The following FRAS1 variants were observed in gnomAD, a reference collection of about 807,000 sequenced individuals.
FRAS1 encodes Fraser extracellular matrix complex subunit 1, also known as extracellular matrix organizing protein FRAS1.
FRAS1 carries 290 observed loss-of-function variants against 435.2 expected under a neutral mutation model. The observed-to-expected ratio is 0.67, with a 90% CI of 0.61 to 0.73. The LOEUF is 0.73. Among genes scored for constraint, FRAS1 ranks in the 30% least tolerant of loss-of-function variants. The pLI, the probability that FRAS1 is intolerant of heterozygous loss-of-function variation, is 0.00. For missense variants in FRAS1, 4,860 were observed against 5,001.5 expected (o/e 0.97, Z 0.85); for synonymous variants, 1,800 against 1,851.0 (o/e 0.97, Z 0.71).
chr4:78,533,527 G>A (rs1721788403), intron 70 of FRAS1, among the ~76,000 whole-genome samples: 1 of 152,220 alleles, frequency 6.6e-6, no homozygotes, highest in Non-Finnish European at 1.5e-5. Context: ...TAAGGGATAT[G>A]GGAAACCACT....
chr4:78,518,020 G>A (rs1721262813), intron 66 of FRAS1, among the ~76,000 whole-genome samples: 1 of 152,094 alleles, frequency 6.6e-6, no homozygotes, highest in Non-Finnish European at 1.5e-5. Flanking sequence ...GGGAGGCTGA[G>A]GCTGGAGGAT....
intron 18 of FRAS1, among the ~76,000 whole-genome samples, chr4:78,324,731 T>TTTTTTTC (rs1491139973): frequency 8.4e-6 from 1 of 119,354 alleles, no homozygotes; most frequent in African/African-American, 3.1e-5. Context: ...TTTTTTTTTT[T>TTTTTTTC]CTGCATGTCA....
intron 36 of FRAS1, among the ~76,000 whole-genome samples, 182 bp from the exon 37 acceptor site, chr4:78,430,110 T>C (rs933094282): frequency 1.3e-5 from 2 of 152,226 alleles, no homozygotes; most frequent in Non-Finnish European, 2.9e-5. Flanking sequence ...ACTTGCAGTG[T>C]AGGAATTGAC....
intron 29 of FRAS1, among the ~76,000 whole-genome samples, chr4:78,395,409 C>G (rs1171722533): frequency 6.6e-6 from 1 of 151,924 alleles, no homozygotes; most frequent in Non-Finnish European, 1.5e-5. Context: ...TCCTCGATTT[C>G]TTTATTGATT....
At chr4:78,216,703 T>A (rs1422998017) in intron 2 of FRAS1, among the ~76,000 whole-genome samples, 1 of 152,138 alleles carries the variant, frequency 6.6e-6, no homozygotes, top group Non-Finnish European at 1.5e-5. Context: ...TTCCAGTTGT[T>A]TTTAGTGCCA....
intron 17 of FRAS1, 25 bp from the exon 18 acceptor site, chr4:78,318,785 T>G: frequency 6.5e-7 from 1 of 1,532,930 alleles, no homozygotes; most frequent in Non-Finnish European, 8.8e-7. Flanking sequence ...TTGGATTATT[T>G]TCTGCATTTT....
At chr4:78,160,714 C>T (rs1159979798) in intron 2 of FRAS1, among the ~76,000 whole-genome samples, 1 of 152,106 alleles carries the variant, frequency 6.6e-6, no homozygotes, top group Non-Finnish European at 1.5e-5. Flanking sequence ...ATTTTAAAAA[C>T]AATAAGGTAG....
At position 78,452,055 on chromosome 4, in the gene FRAS1, G is replaced by A. The variant is rs539973373; in HGVS notation, c.6584-120G>A. ...TTGCACGAAGCCCTGGCTCCTTGGTGTGCTCTCTAACACACAGGCCTAGAG... is the reference window on the plus strand; with the variant it reads ...TTGCACGAAGCCCTGGCTCCTTGGTATGCTCTCTAACACACAGGCCTAGAG... On this transcript the variant is annotated intron_variant, in intron 46 of 73. Coordinates refer to ENST00000512123, the MANE Select transcript of FRAS1 (RefSeq NM_025074.7). 1.3e-5 allele frequency: 16 copies of A among 1,265,650 alleles called. No homozygotes were observed. The Admixed American group carries it at 3.1e-4, about 25-fold the overall frequency. 78.4% of individuals were successfully genotyped at this position (1,265,650 alleles called of 1,614,324 possible).
At chr4:78,066,903 C>G (rs752317214) in intron 2 of FRAS1, among the ~76,000 whole-genome samples, 5 of 152,152 alleles carry the variant, frequency 3.3e-5, no homozygotes, top group Non-Finnish European at 5.9e-5. Context: ...ATCCTTGAAT[C>G]TGCACTTTAT....
intron 47 of FRAS1, among the ~76,000 whole-genome samples, chr4:78,456,789 T>C (rs2627655): frequency 0.74 from 112,164 of 152,120 alleles, 41,726 homozygotes; most frequent in African/African-American, 0.79. Flanking sequence ...ATAATTGTTC[T>C]GTCTAAAAGG....
chr4:78,085,599 G>A (rs1292990826), intron 2 of FRAS1, among the ~76,000 whole-genome samples: 12 of 152,120 alleles, frequency 7.9e-5, no homozygotes. Context: ...GACGAAGGAA[G>A]GAGAGGTGCC....
intron 34 of FRAS1, 124 bp downstream of exon 34, chr4:78,422,124 A>C: frequency 1.9e-6 from 2 of 1,031,380 alleles, no homozygotes; most frequent in East Asian, 2.7e-5. Context: ...AGCTATTCAA[A>C]ATAGCTTGAG....
intron 2 of FRAS1, among the ~76,000 whole-genome samples, chr4:78,104,979 T>A (rs1011929700): frequency 6.6e-6 from 1 of 152,244 alleles, no homozygotes; most frequent in Non-Finnish European, 1.5e-5. Flanking sequence ...CCTCCATTGA[T>A]GTTTTTTTCT....
intron 2 of FRAS1, among the ~76,000 whole-genome samples, chr4:78,158,919 A>G (rs1025451836): frequency 1.3e-4 from 20 of 152,298 alleles, no homozygotes; most frequent in South Asian, 8.3e-4. Context: ...AGTGATGAAG[A>G]GTAGCCACAT....
At chr4:78,249,347 G>A (rs1256797136) in intron 4 of FRAS1, among the ~76,000 whole-genome samples, 1 of 21,704 alleles carries the variant, frequency 4.6e-5, no homozygotes, top group South Asian at 2.9e-3. Context: ...TTTTTTTTTT[G>A]AGATGGAGTC....
chr4:78,509,475 C>CTTTTTTTTTTTTTTTTTTTTTTTTT (rs1560418759), intron 63 of FRAS1, among the ~76,000 whole-genome samples: 6 of 152,178 alleles, frequency 3.9e-5, no homozygotes, highest in African/African-American at 1.4e-4. Flanking sequence ...TACCACATTT[C>CTTTTTTTTTTTTTTTTTTTTTTTTT]TGTAATGCAG....
At chr4:78,420,910 ATATATATATATT>A (rs1196709072) in intron 33 of FRAS1, among the ~76,000 whole-genome samples, 3 of 84,784 alleles carry the variant, frequency 3.5e-5, no homozygotes, top group African/African-American at 1.1e-4. Context: ...ATATATATAT[ATATATATATATT>A]TATATAAAGG....
chr4:78,531,241 T>C (rs1382522784), intron 70 of FRAS1, among the ~76,000 whole-genome samples: 1 of 152,224 alleles, frequency 6.6e-6, no homozygotes, highest in Non-Finnish European at 1.5e-5. Context: ...GATTTGGTGC[T>C]GAGACAATGG....
chr4:78,492,509 A>G (rs984886644), intron 59 of FRAS1, among the ~76,000 whole-genome samples: 2 of 152,154 alleles, frequency 1.3e-5, no homozygotes, highest in Non-Finnish European at 2.9e-5. Flanking sequence ...CAACCATCTG[A>G]TTTTTTGACA....
Sources: gnomAD v4.1 joint callset for allele counts (sites outside exome capture counted in the v4.1 genomes callset) on GRCh38, gnomAD v4.1.1 for gene constraint, MANE v1.5 for transcripts, NCBI Gene and HGNC (gene_info 2026-07-23, HGNC 2026-07-21) for gene names.